The following GRM4 variants were observed in gnomAD, a reference collection of about 807,000 sequenced individuals.
The protein encoded by GRM4 is glutamate metabotropic receptor 4.
Under a neutral mutation model 81.7 loss-of-function variants are expected in GRM4, and 28 were observed. That is an observed-to-expected ratio of 0.34 (90% confidence interval 0.25 to 0.47). The LOEUF (loss-of-function observed/expected upper bound fraction) is 0.47, where lower values mean the gene tolerates loss of function less well. Among genes scored for constraint, GRM4 ranks in the 20% least tolerant of loss-of-function variants. The pLI is 1.00. For missense variants in GRM4, 948 were observed against 1,290.0 expected, an observed-to-expected ratio of 0.73 and a Z score of 4.06; for synonymous variants, 488 against 528.8, an observed-to-expected ratio of 0.92 and a Z score of 1.06.
rs1413464423 is a variant in GRM4 at position 34,111,132 on chromosome 6, C to CAA, written c.520-19034_520-19033insTT. The CAA allele has an allele frequency of 1.2e-5, 2 of 163,476 alleles. No individual in the cohort carries two copies. The highest frequency in any genetic ancestry group is 4.8e-5 in the African/African-American group (2 of 41,502). The allele number at this position is 163,476 out of a possible 1,614,324, so 10.1% of individuals were successfully genotyped here. ...GGCCACATACACACACACACACACA[C>CAA]ACACACACACACACACACACACGCC... On this transcript the variant is annotated intron_variant, in intron 2 of 10. Transcript: ENST00000538487. This position sits in a 1 kb window ranked among gnomAD's most constrained non-coding sequence, Gnocchi z 5.1.
intron 2 of GRM4, chr6:34,110,727 C>T (rs1005253066): frequency 6.6e-7 from 1 of 1,511,324 alleles, no homozygotes; most frequent in Non-Finnish European, 8.8e-7. Flanking sequence ...GGGTGCTGGG[C>T]TGGTAGCACC....
chr6:34,148,873 G>A (rs113334372), upstream of GRM4, among the ~76,000 whole-genome samples: 1,104 of 152,338 alleles, frequency 7.2e-3, 17 homozygotes, highest in African/African-American at 0.024. Flanking sequence ...GGAGTAAGCA[G>A]GGAGTGATGC....
chr6:34,074,626 G>A lies in GRM4; in HGVS notation c.737-12598C>T, dbSNP rs192832860. On this transcript the variant is annotated intron_variant, in intron 3 of 10. Transcript: ENST00000538487. This position sits in a 1 kb window ranked among gnomAD's most constrained non-coding sequence, Gnocchi z 4.9. The stretch of plus-strand genomic sequence containing the variant: ...CCAGGAGAGGAGGCCGCTGGGCAGC[G>A]CAAGCAGTGTGGCTCACAGCTGCAT... 4.3e-3 allele frequency among the ~76,000 whole-genome samples: 659 copies of A among 152,304 alleles called. 6 individuals carry two copies. Among genetic ancestry groups the A allele is most frequent in the Non-Finnish European group, 4.4e-3 (297 of 68,032 alleles).
At position 34,074,654 on chromosome 6, in the gene GRM4, T is replaced by C. The variant is rs923609989; in HGVS notation, c.737-12626A>G. Among the ~76,000 whole-genome samples the C allele has an allele frequency of 6.6e-6, 1 of 152,194 alleles. No individual in the cohort carries two copies. Among genetic ancestry groups the C allele is most frequent in the Admixed American group, 6.5e-5 (1 of 15,290 alleles). On this transcript the variant is annotated intron_variant, in intron 3 of 10. Coordinates refer to ENST00000538487, the MANE Select transcript of GRM4 (RefSeq NM_000841.4). This position sits in a 1 kb window ranked among gnomAD's most constrained non-coding sequence, Gnocchi z 4.9. The stretch of plus-strand genomic sequence containing the variant: ...AGCAGTGTGGCTCACAGCTGCATTA[T>C]TCATGGCGCTAGGCTCTGAGCAGAG...
intron 2 of GRM4, chr6:34,103,731 A>T: frequency 6.6e-7 from 1 of 1,512,942 alleles, no homozygotes; most frequent in Non-Finnish European, 8.8e-7. Flanking sequence ...CTCAAAGTCC[A>T]ACTCCCATAG....
chr6:34,098,877 G>A (rs1363849297), intron 2 of GRM4, among the ~76,000 whole-genome samples: 1 of 152,164 alleles, frequency 6.6e-6, no homozygotes, highest in Non-Finnish European at 1.5e-5. Flanking sequence ...GAGGGGGTGG[G>A]GGCTGGGAGG....
intron 1 of GRM4, among the ~76,000 whole-genome samples, chr6:34,138,425 G>A (rs950844461): frequency 6.6e-6 from 1 of 152,244 alleles, no homozygotes; most frequent in Non-Finnish European, 1.5e-5. Context: ...GAATGGCTGT[G>A]TGGAGTCTGG....
In GRM4 at chr6:34,069,687, T is replaced by A. The variant is rs993364088; in HGVS notation, c.737-7659A>T. 5.6e-5 allele frequency among the ~76,000 whole-genome samples: 8 copies of A among 141,788 alleles called. No individual in the cohort carries two copies. The highest frequency in any genetic ancestry group is 9.0e-5 in the Non-Finnish European group (6 of 66,512). 93.0% of individuals were successfully genotyped at this position (141,788 alleles called of 152,430 possible). ...GTGTGTGTGTGTGTGTGTGTGTGTGTGACCCTGAGCGCCTGCCTCTTCTCC... is the reference window on the plus strand; with the variant it reads ...GTGTGTGTGTGTGTGTGTGTGTGTGAGACCCTGAGCGCCTGCCTCTTCTCC... On this transcript the variant is annotated intron_variant, in intron 3 of 10. Transcript: ENST00000538487. This position sits in a 1 kb window ranked among gnomAD's most constrained non-coding sequence, Gnocchi z 6.4.
At chr6:34,135,200 G>A (rs562653691) in intron 1 of GRM4, among the ~76,000 whole-genome samples, 15 of 152,112 alleles carry the variant, frequency 9.9e-5, no homozygotes, top group Admixed American at 2.0e-4. Flanking sequence ...TCCCTCCCCC[G>A]TCATTCCCCC....
In GRM4 at chr6:34,133,435, C is replaced by G. The variant is rs753734627; in HGVS notation, c.62G>C (p.Ser21Thr). 6 of 1,610,276 alleles carry G rather than the reference C, an allele frequency of 3.7e-6. No homozygotes were observed. Among genetic ancestry groups the G allele is most frequent in the Non-Finnish European group, 5.1e-6 (6 of 1,178,486 alleles). Residue 21 changes from serine to threonine, a missense_variant, in exon 2 of 11, where the codon AGC becomes ACC. By Grantham distance (58) the Ser-to-Thr change is moderately conservative (BLOSUM62 1). Transcript: ENST00000538487. The surrounding 1 kb of genome is among the most constrained non-coding windows in gnomAD (Gnocchi z 6.5). Reference sequence around the variant, plus strand: ...GGAAGGCATCCAGGGGCCGTAAAGGCTGAGGAGCAGGCAAAGGGGCAGCCG... The same window carrying G: ...GGAAGGCATCCAGGGGCCGTAAAGGGTGAGGAGCAGGCAAAGGGGCAGCCG... ...WARLPLCLLL[S>T]LYGPWMPSSL...
rs1192255249 is a variant in GRM4 at position 34,019,537 on chromosome 6, G to C, written c.*3284C>G. 2.0e-5 allele frequency: 3 copies of C among 152,168 alleles called. No homozygotes were observed. Among genetic ancestry groups the C allele is most frequent in the Non-Finnish European group, 4.4e-5 (3 of 68,086 alleles). The allele number at this position is 152,168 out of a possible 1,614,324, so 9.4% of individuals were successfully genotyped here. On this transcript the variant is annotated 3_prime_UTR_variant, in exon 11 of 11. Coordinates refer to ENST00000538487, the MANE Select transcript of GRM4 (RefSeq NM_000841.4). ...AAGTTCAGGTCCAGTGTTCTGGAGG[G>C]AGCCCAGCGTCTCTATTGTCTAGAA...
chr6:34,103,412 G>A (rs1768944152), intron 2 of GRM4, among the ~76,000 whole-genome samples: 2 of 152,298 alleles, frequency 1.3e-5, no homozygotes, highest in South Asian at 2.1e-4. Flanking sequence ...GGAGAGCCTC[G>A]GCAGGGCTGA....
chr6:34,092,032 GAGA>G lies in GRM4; in HGVS notation c.584_586del (p.Phe195del). The G allele has an allele frequency of 1.9e-6, 3 of 1,614,074 alleles. No individual in the cohort carries two copies. Among genetic ancestry groups the G allele is most frequent in the East Asian group, 2.2e-5 (1 of 44,884 alleles). On this transcript the variant is annotated inframe_deletion, in exon 3 of 11. Coordinates refer to ENST00000538487, the MANE Select transcript of GRM4 (RefSeq NM_000841.4). This position sits in a 1 kb window ranked among gnomAD's most constrained non-coding sequence, Gnocchi z 6.8. ...GTACGTGTCCGAGGGCACCACGCGGGAGAAGAAGTCGTAGCGGCTGTTGTCACT... is the reference window on the plus strand; with the variant it reads ...GTACGTGTCCGAGGGCACCACGCGGGAGAAGTCGTAGCGGCTGTTGTCACT...
At chr6:34,146,475 C>T (rs1316815207), upstream of GRM4, among the ~76,000 whole-genome samples, 1 of 152,194 alleles carries the variant, frequency 6.6e-6, no homozygotes, top group Non-Finnish European at 1.5e-5. Flanking sequence ...CGCCCCCTTC[C>T]CAGAGGGGGC....
rs965771703 is a variant in GRM4 at position 34,080,946 on chromosome 6, C to G, written c.736+10937G>C. Among the ~76,000 whole-genome samples, 2 of 152,196 alleles carry G rather than the reference C, an allele frequency of 1.3e-5. No homozygotes were observed. Among genetic ancestry groups the G allele is most frequent in the African/African-American group, 4.8e-5 (2 of 41,518 alleles). On this transcript the variant is annotated intron_variant, in intron 3 of 10. Transcript: ENST00000538487. The surrounding 1 kb of genome is among the most constrained non-coding windows in gnomAD (Gnocchi z 5.4). ...CAGACCAGGTGGCGAAACCAGGGAC[C>G]CTTTGAGATTACCCTGCCCCCATCC...
At position 34,152,590 on chromosome 6, in the gene GRM4, C is replaced by G. The variant is rs771955358; in HGVS notation, c.312+2489G>C. On this transcript the variant is annotated intron_variant, in intron 1 of 8. Transcript: ENST00000374177. This position sits in a 1 kb window ranked among gnomAD's most constrained non-coding sequence, Gnocchi z 4.1. ...CTGTACCCACCTCCCAGCAACCGAC[C>G]CATCACCTAGACCCCCCAAAGAGGA... Among the ~76,000 whole-genome samples the G allele has an allele frequency of 6.6e-6, 1 of 152,056 alleles. No individual in the cohort carries two copies. Among genetic ancestry groups the G allele is most frequent in the Non-Finnish European group, 1.5e-5 (1 of 68,028 alleles).
chr6:34,023,459 G>T (rs375291315), intron 10 of GRM4, among the ~76,000 whole-genome samples: 3 of 152,192 alleles, frequency 2.0e-5, no homozygotes, highest in African/African-American at 7.2e-5. Context: ...CCAGAGTGGG[G>T]CCGTGCATGG....
In GRM4 at chr6:34,074,307, C is replaced by G. The variant is rs563597583; in HGVS notation, c.737-12279G>C. The stretch of plus-strand genomic sequence containing the variant: ...TCTGTGAAATGGGATGGTATGAACC[C>G]TGTCCCCGAGACATAGCAGGGTTGC... On this transcript the variant is annotated intron_variant, in intron 3 of 10. Transcript: ENST00000538487. The surrounding 1 kb of genome is among the most constrained non-coding windows in gnomAD (Gnocchi z 4.9). Among the ~76,000 whole-genome samples, 1 of 152,390 alleles carries G rather than the reference C, an allele frequency of 6.6e-6. No individual in the cohort carries two copies. Among genetic ancestry groups the G allele is most frequent in the East Asian group, 1.9e-4 (1 of 5,190 alleles).
At chr6:34,105,945 A>G (rs1769104428) in intron 2 of GRM4, 1 of 152,246 alleles carries the variant, frequency 6.6e-6, no homozygotes, top group South Asian at 2.1e-4. Flanking sequence ...AGGACCGCCC[A>G]GGTCCACAGC....
Sources: gnomAD v4.1 joint callset for allele counts (sites outside exome capture counted in the v4.1 genomes callset) on GRCh38, gnomAD v4.1.1 for gene constraint, Gnocchi (gnomAD v3.1) non-coding constraint, MANE v1.5 for transcripts, NCBI Gene and HGNC (gene_info 2026-07-23, HGNC 2026-07-21) for gene names.